Variants in SORBS2 observed in about 807,000 individuals in gnomAD.
SORBS2 encodes sorbin and SH3 domain-containing protein 2.
SORBS2 carries 46 observed loss-of-function variants against 97.7 expected under a neutral mutation model. The ratio of observed to expected loss-of-function variants is 0.47; its 90% CI spans 0.37 to 0.60. The LOEUF (loss-of-function observed/expected upper bound fraction) is 0.60. Among genes scored for constraint, SORBS2 ranks in the 20% least tolerant of loss-of-function variants. The pLI is 0.00. For missense variants in SORBS2, 1,316 were observed against 1,282.3 expected, an observed-to-expected ratio of 1.03 and a Z score of -0.40; for synonymous variants, 476 against 473.4, an observed-to-expected ratio of 1.01 and a Z score of -0.07.
intron 1 of SORBS2, among the ~76,000 whole-genome samples, chr4:185,856,224 T>C (rs149214734): frequency 3.1e-4 from 47 of 152,200 alleles, no homozygotes; most frequent in African/African-American, 1.1e-3. Context: ...AGATCATGGG[T>C]TTCATGATCA....
At position 185,884,689 on chromosome 4, in the gene SORBS2, C is replaced by T. The variant is rs368294522; in HGVS notation, c.-338+71507G>A. Among the ~76,000 whole-genome samples, 49 of 152,278 alleles carry T rather than the reference C, an allele frequency of 3.2e-4. 1 individual carries two copies. Among genetic ancestry groups the T allele is most frequent in the African/African-American group, 1.0e-3 (43 of 41,568 alleles). On this transcript the variant is annotated intron_variant, in intron 1 of 20. Transcript: ENST00000284776. ...AGACTATGGTTTCCTCAGTAAAGGACCACTTTCCTACAATGATCTCTCAAC... is the reference window on the plus strand; with the variant it reads ...AGACTATGGTTTCCTCAGTAAAGGATCACTTTCCTACAATGATCTCTCAAC...
intron 1 of SORBS2, among the ~76,000 whole-genome samples, chr4:185,804,323 C>T (rs982686712): frequency 3.3e-5 from 5 of 152,144 alleles, no homozygotes; most frequent in African/African-American, 7.2e-5. Context: ...AGCCATCCTT[C>T]GTTCACTCTT....
chr4:185,839,488 T>G (rs2153676911), intron 1 of SORBS2, among the ~76,000 whole-genome samples: 1 of 152,230 alleles, frequency 6.6e-6, no homozygotes, highest in Non-Finnish European at 1.5e-5. Context: ...TCTGCTGCAT[T>G]TACAACATCC....
chr4:185,733,455 C>A (rs2098659287), intron 2 of SORBS2, among the ~76,000 whole-genome samples: 2 of 152,326 alleles, frequency 1.3e-5, no homozygotes, highest in East Asian at 1.9e-4. Context: ...AGGGCCCATC[C>A]CGTGCTTCTC....
At position 185,633,263 on chromosome 4, in the gene SORBS2, G is replaced by T. The variant is rs536766257; in HGVS notation, c.397-2665C>A. ...AGGTAATGTCTAATCAATTACATTTGTTTTTACCAGAAATGTTTAATAACA... is the reference window on the plus strand; with the variant it reads ...AGGTAATGTCTAATCAATTACATTTTTTTTTACCAGAAATGTTTAATAACA... On this transcript the variant is annotated intron_variant, in intron 4 of 14. Coordinates refer to ENST00000418609, the Ensembl canonical transcript of SORBS2. 5.5e-4 allele frequency among the ~76,000 whole-genome samples: 84 copies of T among 152,172 alleles called. 1 individual carries two copies. The South Asian group carries it at 7.5e-3, about 14-fold the overall frequency.
At chr4:185,708,121 A>G (rs1056064337) in intron 2 of SORBS2, among the ~76,000 whole-genome samples, 2 of 152,192 alleles carry the variant, frequency 1.3e-5, no homozygotes, top group African/African-American at 2.4e-5. Flanking sequence ...ATAAAATCAG[A>G]TCATGAATTT....
At chr4:185,666,021 C>T (rs2097591231) in intron 4 of SORBS2, 1 of 1,289,266 alleles carries the variant, frequency 7.8e-7, no homozygotes, top group South Asian at 1.2e-5. Context: ...GGCGTGAAGA[C>T]CCCACACCAT....
At chr4:185,696,510 A>G (rs1002967619) in intron 2 of SORBS2, among the ~76,000 whole-genome samples, 1 of 152,104 alleles carries the variant, frequency 6.6e-6, no homozygotes, top group Non-Finnish European at 1.5e-5. Context: ...GCTGGAGTGC[A>G]ATGATGCGAT....
At chr4:185,652,216 G>A (rs557091273) in intron 2 of SORBS2, among the ~76,000 whole-genome samples, 7 of 152,182 alleles carry the variant, frequency 4.6e-5, no homozygotes, top group African/African-American at 9.6e-5. Context: ...CCTTGTCCTC[G>A]CTTCCCCAGA....
At chr4:185,787,449 C>G (rs934158110) in intron 1 of SORBS2, among the ~76,000 whole-genome samples, 1 of 152,172 alleles carries the variant, frequency 6.6e-6, no homozygotes, top group African/African-American at 2.4e-5. Context: ...CCGTAAGGGA[C>G]AGAGAAACTG....
chr4:185,930,569 A>AT (rs2099265952), intron 1 of SORBS2, among the ~76,000 whole-genome samples: 1 of 152,124 alleles, frequency 6.6e-6, no homozygotes, highest in Non-Finnish European at 1.5e-5. Flanking sequence ...AAGTGCTGGG[A>AT]TTACAGGTGT....
At chr4:185,900,376 A>G (rs1040445283) in intron 1 of SORBS2, among the ~76,000 whole-genome samples, 3 of 152,190 alleles carry the variant, frequency 2.0e-5, no homozygotes, top group African/African-American at 7.2e-5. Context: ...AGTCAAGTAC[A>G]AGTCCCAGTT....
At chr4:185,949,173 T>G (rs1039377280) in intron 1 of SORBS2, among the ~76,000 whole-genome samples, 1 of 152,116 alleles carries the variant, frequency 6.6e-6, no homozygotes, top group Admixed American at 6.5e-5. Flanking sequence ...AAACCACATG[T>G]GATGTTTGAG....
chr4:185,940,140 C>T (rs2099271155), intron 1 of SORBS2, among the ~76,000 whole-genome samples: 2 of 152,258 alleles, frequency 1.3e-5, no homozygotes, highest in South Asian at 4.2e-4. Context: ...GGCCTTCCCA[C>T]CTCACCCTCC....
At chr4:185,741,267 A>G (rs1270353526) in intron 2 of SORBS2, among the ~76,000 whole-genome samples, 1 of 151,808 alleles carries the variant, frequency 6.6e-6, no homozygotes, top group African/African-American at 2.4e-5. Flanking sequence ...AAGTAGAAGA[A>G]AGGCAGAGAG....
chr4:185,940,464 C>A (rs1429104906), intron 1 of SORBS2, among the ~76,000 whole-genome samples: 1 of 152,198 alleles, frequency 6.6e-6, no homozygotes, highest in East Asian at 1.9e-4. Flanking sequence ...CAGCCATGAC[C>A]TCTGACTGCT....
At chr4:185,761,499 G>A (rs2098891199) in intron 2 of SORBS2, 1 of 152,196 alleles carries the variant, frequency 6.6e-6, no homozygotes, top group Non-Finnish European at 1.5e-5. Context: ...GGATGTTCAG[G>A]GCGATGTCAT....
In SORBS2 at chr4:185,591,075, C is replaced by A. The variant is rs1018152399; in HGVS notation, c.2847-1290G>T. ...GTCAGAAAATAATATTTTGGTAGAA[C>A]AAAACTATTCTATCATTTAAACTCA... On this transcript the variant is annotated intron_variant, in intron 13 of 14. Coordinates refer to ENST00000418609, the Ensembl canonical transcript of SORBS2. Among the ~76,000 whole-genome samples the A allele has an allele frequency of 3.4e-5, 5 of 145,036 alleles. No individual in the cohort carries two copies. In the East Asian group the frequency reaches 7.9e-4, roughly 23 times the overall value.
At chr4:185,821,047 A>G (rs1028517329) in intron 1 of SORBS2, among the ~76,000 whole-genome samples, 10 of 152,194 alleles carry the variant, frequency 6.6e-5, no homozygotes, top group African/African-American at 2.4e-4. Flanking sequence ...CAGATTACTA[A>G]AGCACTGCCC....
Sources: gnomAD v4.1 joint callset for allele counts (sites outside exome capture counted in the v4.1 genomes callset) on GRCh38, gnomAD v4.1.1 for gene constraint, MANE v1.5 for transcripts, NCBI Gene and HGNC (gene_info 2026-07-23, HGNC 2026-07-21) for gene names.